The following TTLL13 variants were observed in gnomAD, a reference collection of about 807,000 sequenced individuals.
The protein encoded by TTLL13 is tubulin polyglutamylase TTLL13.
chr15:90,262,980 G>A, the TTLL13 span: 11 of 1,535,916 alleles, frequency 7.2e-6, no homozygotes, highest in South Asian at 1.3e-4. Context: ...TGCCGGGACA[G>A]CTGGACACCA....
At chr15:90,255,810 G>A in the TTLL13 span, 158 of 1,614,076 alleles carry the variant, frequency 9.8e-5, no homozygotes, top group African/African-American at 1.5e-3. Context: ...CTGCTGGCTC[G>A]GAACCTCAAC....
chr15:90,253,398 G>A, the TTLL13 span: 1 of 1,553,182 alleles, frequency 6.4e-7, no homozygotes, highest in South Asian at 1.2e-5. Flanking sequence ...GAGCCGACAG[G>A]GGCTAGGGCC....
chr15:90,253,423 C>A, the TTLL13 span: 1 of 1,357,920 alleles, frequency 7.4e-7, no homozygotes, highest in Non-Finnish European at 1.0e-6. Flanking sequence ...AATGACTATT[C>A]CCACCTCCTT....
At chr15:90,260,667 A>C in the TTLL13 span, among the ~76,000 whole-genome samples, 1 of 152,040 alleles carries the variant, frequency 6.6e-6, no homozygotes, top group African/African-American at 2.4e-5. Context: ...CCTGGCCAAC[A>C]TGGTGAAACC....
At chr15:90,256,635 TTCCTTC>T in the TTLL13 span, among the ~76,000 whole-genome samples, 3 of 108,030 alleles carry the variant, frequency 2.8e-5, no homozygotes, top group South Asian at 2.4e-4. Flanking sequence ...CCTTCCTTCC[TTCCTTC>T]TTTCTTTCTC....
At chr15:90,257,043 A>C in the TTLL13 span, 1 of 1,204,134 alleles carries the variant, frequency 8.3e-7, no homozygotes, top group Admixed American at 2.5e-5. Context: ...GTTATTGTGG[A>C]AATTCAATTA....
the TTLL13 span, among the ~76,000 whole-genome samples, chr15:90,251,108 G>T: frequency 8.9e-6 from 1 of 112,812 alleles, no homozygotes; most frequent in African/African-American, 3.5e-5. Context: ...TGTCATCCTG[G>T]TCTGTCTTTT....
chr15:90,254,876 A>G, the TTLL13 span, among the ~76,000 whole-genome samples: 1 of 152,134 alleles, frequency 6.6e-6, no homozygotes, highest in Admixed American at 6.5e-5. Flanking sequence ...GGATAAGGAT[A>G]ACAATAATCA....
the TTLL13 span, chr15:90,256,410 C>A: frequency 3.0e-6 from 4 of 1,327,536 alleles, no homozygotes; most frequent in Non-Finnish European, 3.1e-6. Flanking sequence ...TTCCCACTAG[C>A]CCCGTTTTCC....
chr15:90,264,117 T>C, the TTLL13 span: 2 of 1,105,354 alleles, frequency 1.8e-6, no homozygotes, highest in Non-Finnish European at 2.6e-6. Flanking sequence ...CTAGCAAGCA[T>C]AGAGCTTGGA....
chr15:90,258,585 T>C, the TTLL13 span: 1 of 656,294 alleles, frequency 1.5e-6, no homozygotes, highest in South Asian at 1.9e-5. Flanking sequence ...TGGAGATCTC[T>C]ATGGCAGAGT....
the TTLL13 span, chr15:90,262,691 T>G: frequency 6.9e-7 from 1 of 1,457,076 alleles, no homozygotes; most frequent in Non-Finnish European, 9.0e-7. Flanking sequence ...TTTGTAGCTC[T>G]TATCTTTCCA....
At chr15:90,263,403 T>A in the TTLL13 span, 1 of 502,958 alleles carries the variant, frequency 2.0e-6, no homozygotes, top group East Asian at 3.2e-5. Context: ...TTGCTCTCTA[T>A]ATTCCTGTCC....
At chr15:90,262,122 G>A in the TTLL13 span, 11 of 1,535,874 alleles carry the variant, frequency 7.2e-6, no homozygotes, top group South Asian at 3.6e-5. Flanking sequence ...AAGTATGCCC[G>A]CTTCTTCAAG....
the TTLL13 span, among the ~76,000 whole-genome samples, chr15:90,256,569 CTTTCTTTCTTTCTTTCTTT>C: frequency 1.8e-4 from 6 of 33,294 alleles, no homozygotes; most frequent in African/African-American, 7.2e-4. Context: ...TTCTTTCTTT[CTTTCTTTCTTTCTTTCTTT>C]CTTTCTTTCT....
chr15:90,262,386 T>A, the TTLL13 span: 1 of 1,280,242 alleles, frequency 7.8e-7, no homozygotes, highest in Non-Finnish European at 1.0e-6. Flanking sequence ...GCATCAGTCC[T>A]AAGAACAGAT....
chr15:90,263,475 A>G, the TTLL13 span: 3 of 494,268 alleles, frequency 6.1e-6, no homozygotes, highest in Admixed American at 7.2e-5. Context: ...TGGCTTCTGT[A>G]TAATTTTCTC....
the TTLL13 span, among the ~76,000 whole-genome samples, chr15:90,251,114 C>CTTTTATTTT: frequency 9.6e-6 from 1 of 104,672 alleles, no homozygotes; most frequent in African/African-American, 3.7e-5. Context: ...CCTGGTCTGT[C>CTTTTATTTT]TTTTTTTTTT....
At chr15:90,260,392 G>C in the TTLL13 span, among the ~76,000 whole-genome samples, 6 of 152,194 alleles carry the variant, frequency 3.9e-5, no homozygotes, top group Non-Finnish European at 8.8e-5. Context: ...AGCTACTTAG[G>C]AGGCTGAGGT....
Sources: allele counts gnomAD v4.1 joint callset (sites outside exome capture counted in the v4.1 genomes callset), GRCh38; gene constraint gnomAD v4.1.1; transcripts MANE v1.5; gene names NCBI Gene and HGNC (gene_info 2026-07-23, HGNC 2026-07-21).